H3-3A: variants seen among roughly 807,000 people sequenced by gnomAD.
The protein encoded by H3-3A is H3.3 histone A.
For synonymous variants in H3-3A, 49 were observed against 61.4 expected (o/e 0.80, Z 0.95); for missense variants, 7 against 184.0 (o/e 0.04, Z 5.57).
intron 2 of H3-3A, among the ~76,000 whole-genome samples, chr1:226,064,684 T>C (rs1576199858): frequency 6.6e-6 from 1 of 152,206 alleles, no homozygotes; most frequent in South Asian, 2.1e-4. Context: ...AACGTTTAAC[T>C]TTGAAGCCAT....
intron 3 of H3-3A, among the ~76,000 whole-genome samples, chr1:226,068,927 A>T (rs1186706864): frequency 6.6e-6 from 1 of 152,208 alleles, no homozygotes; most frequent in Non-Finnish European, 1.5e-5. Context: ...GATAAGTAAG[A>T]CTTAGTTGTT....
At chr1:226,068,226 A>G (rs532927417) in intron 3 of H3-3A, among the ~76,000 whole-genome samples, 4 of 152,334 alleles carry the variant, frequency 2.6e-5, no homozygotes, top group Non-Finnish European at 5.9e-5. Flanking sequence ...TGTATGGGTC[A>G]TGGTCAGATC....
chr1:226,064,293 T>C, intron 1 of H3-3A, 36 bp from the exon 2 acceptor site: 1 of 1,513,408 alleles, frequency 6.6e-7, no homozygotes, highest in East Asian at 2.3e-5. Context: ...GTTTGGTAGT[T>C]GCATATGGTG....
At chr1:226,063,131 A>C (rs1576198937) in intron 1 of H3-3A, among the ~76,000 whole-genome samples, 15 of 130,558 alleles carry the variant, frequency 1.1e-4, no homozygotes, top group South Asian at 2.4e-4. Flanking sequence ...CCAAACCTTC[A>C]CCATGACCCG....
rs1657768710 is a variant in H3-3A, at chr1:226,062,735, C to CCGCCGCCG, written c.-91_-84dup. On this transcript the variant is annotated 5_prime_UTR_variant, in exon 1 of 4. Transcript: ENST00000366815. ...AGCCATCTTTCAATTGTGTTCGCAG[C>CCGCCGCCG]CGCCGCCGCGCCGCCGTCGCTCTCC... The CCGCCGCCG allele has an allele frequency of 1.2e-5, 2 of 165,292 alleles. No homozygotes were observed. Among genetic ancestry groups the CCGCCGCCG allele is most frequent in the South Asian group, 1.6e-4 (1 of 6,150 alleles). The allele number at this position is 165,292 out of a possible 1,614,324, so 10.2% of individuals were successfully genotyped here.
Position 226,071,846 on chromosome 1 carries a change from A to C in H3-3A, c.*367A>C. ...ACAAGTAAATTTCTTATTGATGGCAACTAAATGGTGTTTGTAGCATTTTTA... is the reference window on the plus strand; with the variant it reads ...ACAAGTAAATTTCTTATTGATGGCACCTAAATGGTGTTTGTAGCATTTTTA... On this transcript the variant is annotated 3_prime_UTR_variant, in exon 4 of 4. Coordinates refer to ENST00000366815, the MANE Select transcript of H3-3A (RefSeq NM_002107.7). 1 of 209,016 alleles carries C rather than the reference A, an allele frequency of 4.8e-6. No individual in the cohort carries two copies. Among genetic ancestry groups the C allele is most frequent in the Non-Finnish European group, 9.4e-6 (1 of 106,014 alleles). The allele number at this position is 209,016 out of a possible 1,614,324, so 12.9% of individuals were successfully genotyped here.
Position 226,071,569 on chromosome 1 carries a change from A to AT in H3-3A, c.*98dup, listed in dbSNP as rs1390756398. Reference sequence around the variant, plus strand: ...TTATTGGTAGTTCTGAACGTTAGATATTTTTTTTCCATGGGGTCAAAAGGT... The same window carrying AT: ...TTATTGGTAGTTCTGAACGTTAGATATTTTTTTTTCCATGGGGTCAAAAGGT... On this transcript the variant is annotated 3_prime_UTR_variant, in exon 4 of 4. Transcript: ENST00000366815. 18 of 578,468 alleles carry AT rather than the reference A, an allele frequency of 3.1e-5. No homozygotes were observed. Among genetic ancestry groups the AT allele is most frequent in the East Asian group, 2.6e-4 (9 of 34,704 alleles). The allele number at this position is 578,468 out of a possible 1,614,324, so 35.8% of individuals were successfully genotyped here. A position where few individuals can be genotyped will look rare whatever the true frequency, so the allele number is the denominator to read the frequency against.
chr1:226,069,163 C>G (rs1293086587), intron 3 of H3-3A, among the ~76,000 whole-genome samples: 1 of 151,744 alleles, frequency 6.6e-6, no homozygotes, highest in Admixed American at 6.6e-5. Context: ...TCTCCTGTCT[C>G]AGCCTCCCAA....
intron 3 of H3-3A, among the ~76,000 whole-genome samples, chr1:226,069,160 T>C (rs749351487): frequency 1.3e-5 from 2 of 151,944 alleles, no homozygotes; most frequent in Non-Finnish European, 2.9e-5. Context: ...AATTCTCCTG[T>C]CTCAGCCTCC....
chr1:226,064,130 A>G, intron 1 of H3-3A, 199 bp from the exon 2 acceptor site: 1 of 445,000 alleles, frequency 2.2e-6, no homozygotes, highest in Non-Finnish European at 4.2e-6. Context: ...TACTGCTAAC[A>G]ATTTTCTAGT....
intron 3 of H3-3A, among the ~76,000 whole-genome samples, chr1:226,069,340 G>A (rs1658026330): frequency 6.6e-6 from 1 of 151,984 alleles, no homozygotes; most frequent in South Asian, 2.1e-4. Context: ...AGCCACCACG[G>A]CACCTGGTCT....
intron 1 of H3-3A, 73 bp from the exon 2 acceptor site, chr1:226,064,256 G>A (rs983079262): frequency 3.3e-5 from 34 of 1,015,980 alleles, no homozygotes; most frequent in Non-Finnish European, 4.2e-5. Context: ...TTTGGGGAGG[G>A]GGTGATCGTG....
intron 1 of H3-3A, 78 bp from the exon 2 acceptor site, chr1:226,064,251 G>A: frequency 1.0e-6 from 1 of 977,876 alleles, no homozygotes; most frequent in Admixed American, 2.1e-5. Flanking sequence ...CCAGATTTGG[G>A]GAGGGGGTGA....
intron 3 of H3-3A, among the ~76,000 whole-genome samples, chr1:226,069,969 A>G (rs1658052021): frequency 6.6e-6 from 1 of 152,102 alleles, no homozygotes; most frequent in Admixed American, 6.6e-5. Flanking sequence ...TTTCCTCTTC[A>G]CAAGTTAAGT....
intron 2 of H3-3A, 93 bp downstream of exon 2, chr1:226,064,572 T>G (rs907797290): frequency 1.3e-5 from 14 of 1,066,904 alleles, no homozygotes; most frequent in Non-Finnish European, 1.8e-5. Flanking sequence ...AACTTTTTGC[T>G]TTAGAGAAAC....
chr1:226,067,594 T>C (rs190826552), intron 3 of H3-3A, among the ~76,000 whole-genome samples: 1 of 151,976 alleles, frequency 6.6e-6, no homozygotes, highest in Non-Finnish European at 1.5e-5. Context: ...TACAAAAAAT[T>C]AGCTTGGCGT....
rs1412308098 is a variant in H3-3A, at chr1:226,065,680, A to G, written c.153A>G (p.Glu51=). 3 of 1,607,416 alleles carry G rather than the reference A, an allele frequency of 1.9e-6. No individual in the cohort carries two copies. In the African/African-American group the frequency reaches 4.0e-5, roughly 22 times the overall value. The change falls in exon 3 of 4, where the codon GAA becomes GAG. Residue 51 remains glutamate, a synonymous_variant. Coordinates refer to ENST00000366815, the MANE Select transcript of H3-3A (RefSeq NM_002107.7). ...GGCCTGGTACTGTGGCGCTCCGTGA[A>G]ATTAGACGTTATCAGAAGTCCACTG... The part of the protein sequence containing the change: ...RYRPGTVALR[E]IRRYQKSTEL...
Position 226,065,674 on chromosome 1 carries a change from C to T in H3-3A, c.147C>T (p.Leu49=), listed in dbSNP as rs1276384228. 8 of 1,604,964 alleles carry T rather than the reference C, an allele frequency of 5.0e-6. No homozygotes were observed. In the Admixed American group the frequency reaches 1.0e-4, roughly 20 times the overall value. The change falls in exon 3 of 4, where the codon CTC becomes CTT. Residue 49 remains leucine (L), a synonymous_variant. Coordinates refer to ENST00000366815, the MANE Select transcript of H3-3A (RefSeq NM_002107.7). The part of the protein sequence containing the change: ...PHRYRPGTVA[L]REIRRYQKST... The stretch of plus-strand genomic sequence containing the variant: ...TTTAAAGGCCTGGTACTGTGGCGCT[C>T]CGTGAAATTAGACGTTATCAGAAGT...
Position 226,071,437 on chromosome 1 carries a change from A to G in H3-3A, c.369A>G (p.Lys123=), listed in dbSNP as rs748036601. The change falls in exon 4 of 4, where the codon AAA becomes AAG. Residue 123 remains lysine (K), a synonymous_variant. Coordinates refer to ENST00000366815, the MANE Select transcript of H3-3A (RefSeq NM_002107.7). ...CCAAACGTGTAACAATTATGCCAAA[A>G]GACATCCAGCTAGCACGCCGCATAC... ...IHAKRVTIMP[K]DIQLARRIRG... The G allele has an allele frequency of 1.6e-6, 2 of 1,225,096 alleles. No individual in the cohort carries two copies. The highest frequency in any genetic ancestry group is 2.4e-6 in the Non-Finnish European group (2 of 838,150). 75.9% of individuals were successfully genotyped at this position (1,225,096 alleles called of 1,614,324 possible). A position where few individuals can be genotyped will look rare whatever the true frequency, so the allele number is the denominator to read the frequency against.
Sources: gnomAD v4.1 joint callset for allele counts (sites outside exome capture counted in the v4.1 genomes callset) on GRCh38, gnomAD v4.1.1 for gene constraint, MANE v1.5 for transcripts, NCBI Gene and HGNC (gene_info 2026-07-23, HGNC 2026-07-21) for gene names.